The following OSCP1 variants were observed in gnomAD, a reference collection of about 807,000 sequenced individuals.
OSCP1 encodes protein OSCP1.
Under a neutral mutation model 45.1 loss-of-function variants are expected in OSCP1, and 35 were observed. That is an observed-to-expected ratio of 0.78 (90% CI 0.59 to 1.03). The LOEUF is 1.03. Ranked by LOEUF, OSCP1 falls within the 50% of genes least tolerant of loss-of-function variation. OSCP1 has a pLI of 0.00. For synonymous variants in OSCP1, 179 were observed against 180.1 expected (o/e 0.99, Z 0.05); for missense variants, 400 against 470.7 (o/e 0.85, Z 1.39).
chr1:36,450,095 T>G (rs1384407414), intron 1 of OSCP1, among the ~76,000 whole-genome samples, 163 bp downstream of exon 1: 2 of 151,798 alleles, frequency 1.3e-5, no homozygotes, highest in Non-Finnish European at 2.9e-5. Flanking sequence ...TTGGGGGGAT[T>G]TGACTCCCGA....
At chr1:36,442,290 G>C (rs538419975) in intron 1 of OSCP1, among the ~76,000 whole-genome samples, 19 of 151,594 alleles carry the variant, frequency 1.3e-4, no homozygotes, top group African/African-American at 4.1e-4. Flanking sequence ...GCCTCAGAAA[G>C]TTGGTAATTG....
intron 1 of OSCP1, among the ~76,000 whole-genome samples, chr1:36,444,580 T>G (rs1331674127): frequency 6.6e-6 from 1 of 152,192 alleles, no homozygotes; most frequent in Non-Finnish European, 1.5e-5. Flanking sequence ...TTTGTTTCTG[T>G]TTTACTTTTT....
chr1:36,429,235 A>C (rs1225290044), intron 4 of OSCP1, among the ~76,000 whole-genome samples: 1 of 152,076 alleles, frequency 6.6e-6, no homozygotes, highest in East Asian at 1.9e-4. Context: ...AAAATACAAA[A>C]AATTAGCCAG....
Position 36,422,848 on chromosome 1 carries a change from A to C in OSCP1, c.669T>G (p.His223Gln). 6.2e-7 allele frequency: 1 copy of C among 1,611,030 alleles called. No homozygotes were observed. ...TGGGTGCAGGGACATAGTTTCCACC[A>C]TGCTTGAATTCTATCCTCTTCACTT... is the stretch of plus-strand genomic sequence containing the variant. ...GEEVKRIEFKHGGNYVPAPKE... is the reference protein window; with the variant it reads ...GEEVKRIEFKQGGNYVPAPKE... The change falls in exon 6 of 10, where the codon CAT becomes CAG. Residue 223 changes from histidine (H) to glutamine (Q), a missense_variant. Coordinates refer to ENST00000235532, the MANE Select transcript of OSCP1 (RefSeq NM_145047.5).
At chr1:36,421,834 C>T (rs1392143352) in intron 7 of OSCP1, among the ~76,000 whole-genome samples, 1 of 152,196 alleles carries the variant, frequency 6.6e-6, no homozygotes, top group African/African-American at 2.4e-5. Context: ...GATCAGAATA[C>T]ACACGAGTGC....
intron 1 of OSCP1, 93 bp from the exon 2 acceptor site, chr1:36,439,003 T>C: frequency 2.1e-6 from 3 of 1,399,554 alleles, no homozygotes; most frequent in Admixed American, 1.9e-5. Context: ...GCTGAGCGTG[T>C]ACAGTACAGA....
intron 4 of OSCP1, among the ~76,000 whole-genome samples, chr1:36,427,791 C>T (rs1249710633): frequency 2.0e-5 from 3 of 152,254 alleles, no homozygotes; most frequent in Admixed American, 1.3e-4. Context: ...AAAACTTAAT[C>T]TTATTTGTAC....
intron 1 of OSCP1, chr1:36,444,108 C>A: frequency 2.7e-6 from 4 of 1,487,724 alleles, no homozygotes; most frequent in Non-Finnish European, 3.7e-6. Flanking sequence ...TTTAAACATA[C>A]CAATTCCAAT....
Position 36,450,343 on chromosome 1 carries a change from G to C in OSCP1, c.27C>G (p.Leu9=). MSVRTLPL[L]FLNLGGEMLY... is the part of the protein sequence containing the mutation. ...GCATCTCCCCGCCCAAGTTCAAGAAGAGCAGCGGTAGCGTCCGCACCGACA... is the reference window on the plus strand; with the variant it reads ...GCATCTCCCCGCCCAAGTTCAAGAACAGCAGCGGTAGCGTCCGCACCGACA... The change falls in exon 1 of 10, where the codon CTC becomes CTG. Residue 9 remains leucine, a synonymous_variant. Transcript: ENST00000235532. The C allele has an allele frequency of 1.2e-6, 2 of 1,613,960 alleles. No individual in the cohort carries two copies. Among genetic ancestry groups the C allele is most frequent in the South Asian group, 2.2e-5 (2 of 91,078 alleles).
chr1:36,431,804 G>T lies in OSCP1; in HGVS notation c.514C>A (p.Arg172=), dbSNP rs757734143. ...LLIFFQDLHI[R]VSMFLKDKVQ... ...CCCAGGGCTGCCTATTGACTTACTC[G>T]GATGTGCAGGTCTTGGAAGAAGATG... Residue 172 remains arginine, a splice_region_variant and synonymous_variant, in exon 4 of 10, where the codon CGA becomes AGA. Transcript: ENST00000235532. The T allele has an allele frequency of 3.6e-5, 58 of 1,613,382 alleles. No individual in the cohort carries two copies. The highest frequency in any genetic ancestry group is 4.7e-5 in the Non-Finnish European group (56 of 1,179,886).
chr1:36,426,969 G>C (rs1190244519), intron 4 of OSCP1, among the ~76,000 whole-genome samples: 2 of 150,810 alleles, frequency 1.3e-5, no homozygotes, highest in Non-Finnish European at 1.5e-5. Flanking sequence ...GCCTCCCAAA[G>C]TGCTGGGATT....
Position 36,418,038 on chromosome 1 carries a change from C to A in OSCP1, c.*101G>T. The A allele has an allele frequency of 1.2e-6, 1 of 862,188 alleles. No individual in the cohort carries two copies. 53.4% of individuals were successfully genotyped at this position (862,188 alleles called of 1,614,324 possible). A position where few individuals can be genotyped will look rare whatever the true frequency, so the allele number is the denominator to read the frequency against. ...AAGAAATAGACGTAATGGCTTCACT[C>A]AGTAGAAAACTAGCAGCATCATTCT... On this transcript the variant is annotated 3_prime_UTR_variant, in exon 10 of 10. Transcript: ENST00000235532.
intron 1 of OSCP1, among the ~76,000 whole-genome samples, chr1:36,441,230 A>T (rs1234752402): frequency 2.0e-5 from 3 of 152,162 alleles, no homozygotes; most frequent in Admixed American, 6.5e-5. Flanking sequence ...CACGACACCT[A>T]GGGCTCCCTC....
intron 8 of OSCP1, among the ~76,000 whole-genome samples, chr1:36,419,547 ACACT>A (rs544759861): frequency 5.0e-4 from 76 of 152,334 alleles, no homozygotes; most frequent in African/African-American, 1.8e-3. Flanking sequence ...ATGAAAGGTG[ACACT>A]CACGCCAAAT....
chr1:36,428,242 T>C, intron 4 of OSCP1: 1 of 1,375,644 alleles, frequency 7.3e-7, no homozygotes, highest in East Asian at 2.7e-5. Context: ...AATTGAAATC[T>C]ATTTATCTTC....
chr1:36,436,217 C>A (rs1648726842), intron 2 of OSCP1, among the ~76,000 whole-genome samples: 1 of 151,508 alleles, frequency 6.6e-6, no homozygotes, highest in Non-Finnish European at 1.5e-5. Context: ...CATTCTCCTG[C>A]CTCAGCCTCC....
At chr1:36,431,942 C>T (rs150028921) in intron 3 of OSCP1, 60 bp from the exon 4 acceptor site, 22,876 of 1,506,166 alleles carry the variant, frequency 0.015, 272 homozygotes, top group Admixed American at 0.049. Context: ...TAGTACGCAC[C>T]GGCAGGGCAG....
intron 1 of OSCP1, among the ~76,000 whole-genome samples, chr1:36,441,613 G>A (rs1048819051): frequency 6.6e-6 from 1 of 151,688 alleles, no homozygotes; most frequent in African/African-American, 2.4e-5. Context: ...TTAGCCGGGC[G>A]TGATGGCGGG....
intron 2 of OSCP1, among the ~76,000 whole-genome samples, chr1:36,437,991 A>T (rs886781281): frequency 7.9e-5 from 12 of 152,092 alleles, no homozygotes; most frequent in Non-Finnish European, 1.8e-4. Context: ...CCTCGGCAAC[A>T]AAGTGAGACC....
Sources: allele counts gnomAD v4.1 joint callset (sites outside exome capture counted in the v4.1 genomes callset), GRCh38; gene constraint gnomAD v4.1.1; transcripts MANE v1.5; gene names NCBI Gene and HGNC (gene_info 2026-07-23, HGNC 2026-07-21).